The following PCSK6 variants were observed in gnomAD, a reference collection of about 807,000 sequenced individuals.
The protein encoded by PCSK6 is paired basic amino acid cleaving enzyme 4.
A neutral mutation model predicts 123.3 loss-of-function variants in PCSK6; 85 were observed. The observed-to-expected ratio is 0.69, with a 90% confidence interval of 0.58 to 0.83. The LOEUF (loss-of-function observed/expected upper bound fraction) is 0.83, where lower values mean the gene tolerates loss of function less well. Ranked by LOEUF, PCSK6 falls within the 40% of genes least tolerant of loss-of-function variation. The probability of loss-of-function intolerance (pLI) is 0.00; values close to 1 mark genes in which losing one functional copy is unlikely to be tolerated. For missense variants in PCSK6, 1,191 were observed against 1,282.3 expected, an observed-to-expected ratio of 0.93 and a Z score of 1.09; for synonymous variants, 508 against 516.0, an observed-to-expected ratio of 0.98 and a Z score of 0.21.
chr15:101,466,543 G>A (rs553160254), intron 1 of PCSK6, among the ~76,000 whole-genome samples: 12 of 152,120 alleles, frequency 7.9e-5, no homozygotes, highest in East Asian at 1.9e-4. Context: ...CAACTTGCAC[G>A]TGAATATCCA....
intron 6 of PCSK6, among the ~76,000 whole-genome samples, chr15:101,409,519 A>G (rs1256553067): frequency 6.7e-6 from 1 of 148,154 alleles, no homozygotes; most frequent in East Asian, 2.0e-4. Context: ...CGGGAGGCGG[A>G]GCTTGCAGTG....
intron 6 of PCSK6, among the ~76,000 whole-genome samples, chr15:101,416,554 T>A (rs12904730): frequency 7.9e-5 from 12 of 152,000 alleles, no homozygotes; most frequent in Admixed American, 5.9e-4. Flanking sequence ...CCCAAGACCA[T>A]GGGAAAATGT....
rs376129008 is a variant in PCSK6 at position 101,374,054 on chromosome 15, G to A, written c.1533-3531C>T. ...CGCAAAACCTGCCTGGAGACCGTGCGTTGTTGAAGCCAGGGAGACGGCCAG... is the reference window on the plus strand; with the variant it reads ...CGCAAAACCTGCCTGGAGACCGTGCATTGTTGAAGCCAGGGAGACGGCCAG... On this transcript the variant is annotated intron_variant, in intron 11 of 21. Coordinates refer to ENST00000611716, the MANE Select transcript of PCSK6 (RefSeq NM_002570.5). 6.5e-4 allele frequency among the ~76,000 whole-genome samples: 99 copies of A among 152,328 alleles called. 1 individual carries two copies. The highest frequency in any genetic ancestry group is 2.2e-3 in the African/African-American group (93 of 41,564).
Position 101,418,520 on chromosome 15 carries a change from A to ATT in PCSK6, c.823+9370_823+9371dup, listed in dbSNP as rs749644480. Among the ~76,000 whole-genome samples, 591 of 136,598 alleles carry ATT rather than the reference A, an allele frequency of 4.3e-3. 3 individuals are homozygous for ATT. Among genetic ancestry groups the ATT allele is most frequent in the African/African-American group, 0.015 (559 of 37,740 alleles). 89.6% of individuals were successfully genotyped at this position (136,598 alleles called of 152,430 possible). ...TGAAAGAAAAAGTTTCCAATTTAGGATTTTTTTTTTTTTTTTTTTGAGGCA... is the reference window on the plus strand; with the variant it reads ...TGAAAGAAAAAGTTTCCAATTTAGGATTTTTTTTTTTTTTTTTTTTTGAGGCA... On this transcript the variant is annotated intron_variant, in intron 6 of 21. Transcript: ENST00000611716.
At chr15:101,479,786 T>A (rs1361506312) in intron 1 of PCSK6, among the ~76,000 whole-genome samples, 1 of 151,200 alleles carries the variant, frequency 6.6e-6, no homozygotes, top group Non-Finnish European at 1.5e-5. Flanking sequence ...CTCCACCACC[T>A]TCCCAGATCT....
intron 13 of PCSK6, among the ~76,000 whole-genome samples, chr15:101,341,516 C>A (rs929095922): frequency 2.6e-5 from 4 of 152,124 alleles, no homozygotes; most frequent in Non-Finnish European, 5.9e-5. Flanking sequence ...GCCACCTTGG[C>A]CTCCCAAAGT....
intron 4 of PCSK6, 122 bp from the exon 5 acceptor site, chr15:101,430,185 A>G (rs2056403165): frequency 5.6e-6 from 4 of 711,368 alleles, no homozygotes; most frequent in Non-Finnish European, 1.0e-5. Flanking sequence ...TACTATAGCT[A>G]TAATCTCATA....
At chr15:101,317,979 T>C (rs2141347067) in intron 19 of PCSK6, among the ~76,000 whole-genome samples, 2 of 152,350 alleles carry the variant, frequency 1.3e-5, no homozygotes, top group Middle Eastern at 6.8e-3. Flanking sequence ...GTTATAGGCA[T>C]GAGCCACTGC....
At chr15:101,430,320 C>A (rs962194850) in intron 4 of PCSK6, among the ~76,000 whole-genome samples, 2 of 152,266 alleles carry the variant, frequency 1.3e-5, no homozygotes, top group Admixed American at 6.5e-5. Flanking sequence ...TCTCCAGAAC[C>A]CTTTCAACCT....
intron 7 of PCSK6, among the ~76,000 whole-genome samples, chr15:101,396,569 C>CT (rs879444312): frequency 9.4e-4 from 143 of 152,114 alleles, no homozygotes; most frequent in Non-Finnish European, 1.4e-3. Flanking sequence ...GTCATCAAGA[C>CT]TGAGATCCAA....
At position 101,389,472 on chromosome 15, in the gene PCSK6, T is replaced by C. The variant is rs1009162730; in HGVS notation, c.1302A>G (p.Leu434=). 2.5e-6 allele frequency: 4 copies of C among 1,612,418 alleles called. No homozygotes were observed. The highest frequency in any genetic ancestry group is 1.7e-4 in the Middle Eastern group (1 of 6,058). Residue 434 remains leucine (L), a synonymous_variant, in exon 9 of 22, where the codon CTA becomes CTG. Transcript: ENST00000611716. ...PMVAGIIALA[L]EANSQLTWRD... is the part of the protein sequence containing the mutation. ...GGTAAGTGGGAACTTACTTTGCTTC[T>C]AGAGCCAAGGCGATGATGCCCGCCA...
chr15:101,438,834 A>C (rs1401750837), intron 2 of PCSK6, among the ~76,000 whole-genome samples: 1 of 152,224 alleles, frequency 6.6e-6, no homozygotes. Context: ...AGAGCAGGCC[A>C]AGTCCGCAGC....
chr15:101,471,806 G>GC (rs2057611183), intron 1 of PCSK6, among the ~76,000 whole-genome samples: 1 of 152,244 alleles, frequency 6.6e-6, no homozygotes, highest in Admixed American at 6.5e-5. Context: ...CAGCTTTCAT[G>GC]CCCCCACATT....
At chr15:101,335,938 T>G (rs536262122) in intron 13 of PCSK6, among the ~76,000 whole-genome samples, 1 of 152,342 alleles carries the variant, frequency 6.6e-6, no homozygotes, top group African/African-American at 2.4e-5. Flanking sequence ...TGTAGGCAAC[T>G]GTAACACAAT....
intron 18 of PCSK6, among the ~76,000 whole-genome samples, chr15:101,322,242 G>A (rs2040141857): frequency 6.6e-6 from 1 of 152,208 alleles, no homozygotes; most frequent in Non-Finnish European, 1.5e-5. Flanking sequence ...GGAGCGAAAG[G>A]AGGCGGATCT....
intron 20 of PCSK6, chr15:101,308,938 C>T (rs2039787343): frequency 6.6e-6 from 1 of 152,352 alleles, no homozygotes; most frequent in Admixed American, 6.5e-5. Flanking sequence ...GCCCCCAGGC[C>T]ACGGCTGAGG....
In PCSK6 at chr15:101,344,842, G is replaced by A. The variant is rs113174510; in HGVS notation, c.1859-12811C>T. 1.6e-3 allele frequency among the ~76,000 whole-genome samples: 239 copies of A among 152,150 alleles called. 2 individuals carry two copies. The highest frequency in any genetic ancestry group is 5.4e-3 in the African/African-American group (225 of 41,482). ...GGCTAATTTTTGTATTTTTAGTAGA[G>A]ACGAGGTTTCACCATGTAGGCCAGG... On this transcript the variant is annotated intron_variant, in intron 13 of 21. Transcript: ENST00000611716.
At chr15:101,361,974 T>C (rs2041235291) in intron 13 of PCSK6, among the ~76,000 whole-genome samples, 1 of 149,212 alleles carries the variant, frequency 6.7e-6, no homozygotes, top group Non-Finnish European at 1.5e-5. Flanking sequence ...TTTTTTTTTT[T>C]GAGTTGGAGT....
chr15:101,415,871 A>G (rs1258477949), intron 6 of PCSK6, among the ~76,000 whole-genome samples: 1 of 152,172 alleles, frequency 6.6e-6, no homozygotes, highest in Non-Finnish European at 1.5e-5. Context: ...GCCTCCCACC[A>G]TGATTCTGAG....
Sources: gnomAD v4.1 joint callset for allele counts (sites outside exome capture counted in the v4.1 genomes callset) on GRCh38, gnomAD v4.1.1 for gene constraint, MANE v1.5 for transcripts, NCBI Gene and HGNC (gene_info 2026-07-23, HGNC 2026-07-21) for gene names.